SLC25A13: variants seen among roughly 807,000 people sequenced by gnomAD.
SLC25A13 encodes the protein electrogenic aspartate/glutamate antiporter SLC25A13, mitochondrial.
SLC25A13 carries 70 observed loss-of-function variants against 85.5 expected under a neutral mutation model. That is an observed-to-expected ratio of 0.82 (90% CI 0.68 to 1.00). SLC25A13 has a LOEUF of 1.00. Among genes scored for constraint, SLC25A13 ranks in the 50% least tolerant of loss-of-function variants. The pLI is 0.00. For synonymous variants in SLC25A13, 259 were observed against 288.7 expected (o/e 0.90, Z 1.04); for missense variants, 765 against 819.8 (o/e 0.93, Z 0.82).
intron 13 of SLC25A13, among the ~76,000 whole-genome samples, chr7:96,161,585 T>C (rs1793510537): frequency 6.6e-6 from 1 of 152,176 alleles, no homozygotes; most frequent in African/African-American, 2.4e-5. Flanking sequence ...TATTTATAGA[T>C]GTCTCAGTTC....
intron 4 of SLC25A13, among the ~76,000 whole-genome samples, chr7:96,214,519 G>A (rs956872025): frequency 1.3e-5 from 2 of 152,190 alleles, no homozygotes; most frequent in African/African-American, 4.8e-5. Flanking sequence ...TTCAGGTCAG[G>A]AGTTCGAGAC....
intron 14 of SLC25A13, among the ~76,000 whole-genome samples, chr7:96,132,676 T>C (rs1333328536): frequency 2.0e-5 from 3 of 152,198 alleles, no homozygotes; most frequent in Non-Finnish European, 2.9e-5. Flanking sequence ...TTGGGTAGGG[T>C]GAATAGGAAG....
At chr7:96,134,573 G>A (rs1217394462) in intron 14 of SLC25A13, among the ~76,000 whole-genome samples, 3 of 151,858 alleles carry the variant, frequency 2.0e-5, no homozygotes, top group Non-Finnish European at 4.4e-5. Context: ...AAAGGCACAT[G>A]AAGAATCAGT....
intron 13 of SLC25A13, among the ~76,000 whole-genome samples, chr7:96,156,606 C>T (rs1377529953): frequency 2.0e-5 from 3 of 152,140 alleles, no homozygotes; most frequent in Admixed American, 1.3e-4. Context: ...CACCCGTCAC[C>T]GCGCCTGGCT....
At chr7:96,201,281 G>A (rs989129586) in intron 5 of SLC25A13, among the ~76,000 whole-genome samples, 2 of 152,010 alleles carry the variant, frequency 1.3e-5, no homozygotes, top group Admixed American at 1.3e-4. Context: ...AGGGTGAGGC[G>A]AGTGGATTGC....
At chr7:96,148,558 T>C (rs1247540951) in intron 13 of SLC25A13, among the ~76,000 whole-genome samples, 8 of 152,206 alleles carry the variant, frequency 5.3e-5, no homozygotes, top group African/African-American at 1.4e-4. Context: ...GAACTCTTCA[T>C]ACGAAAATCT....
At chr7:96,265,596 T>C (rs1483454890) in intron 3 of SLC25A13, among the ~76,000 whole-genome samples, 1 of 152,210 alleles carries the variant, frequency 6.6e-6, no homozygotes, top group Non-Finnish European at 1.5e-5. Flanking sequence ...TCTTGTGTAA[T>C]CAAGAGCAAG....
At chr7:96,167,035 T>C (rs1485186439) in intron 13 of SLC25A13, 2 of 152,226 alleles carry the variant, frequency 1.3e-5, no homozygotes, top group African/African-American at 2.4e-5. Flanking sequence ...CAAAGGATTC[T>C]TTCAGATTTA....
chr7:96,149,861 T>C (rs1792960443), intron 13 of SLC25A13, among the ~76,000 whole-genome samples: 1 of 152,182 alleles, frequency 6.6e-6, no homozygotes, highest in Non-Finnish European at 1.5e-5. Context: ...TTTGCAGAGA[T>C]CAAAGATAGC....
chr7:96,301,801 T>A (rs1473725962), intron 1 of SLC25A13, among the ~76,000 whole-genome samples: 2 of 152,040 alleles, frequency 1.3e-5, no homozygotes, highest in Non-Finnish European at 2.9e-5. Flanking sequence ...ACTAATTTTT[T>A]AATTTTTTTG....
intron 4 of SLC25A13, 127 bp from the exon 5 acceptor site, chr7:96,209,104 A>T: frequency 1.1e-6 from 1 of 895,330 alleles, no homozygotes; most frequent in African/African-American, 1.7e-5. Flanking sequence ...AGACATACAG[A>T]TTACAAACTA....
At chr7:96,264,636 T>A (rs1277714953) in intron 3 of SLC25A13, among the ~76,000 whole-genome samples, 1 of 152,226 alleles carries the variant, frequency 6.6e-6, no homozygotes, top group African/African-American at 2.4e-5. Flanking sequence ...ATTGGGAAAT[T>A]TAGAAAATAT....
rs1178306013 is a variant in SLC25A13 at position 96,146,632 on chromosome 7, GC to G, written c.1375del (p.Ala459GlnfsTer49). On this transcript the variant is annotated frameshift_variant, in exon 14 of 18. Coordinates refer to ENST00000265631, the MANE Select transcript of SLC25A13 (RefSeq NM_014251.3). LOFTEE classifies it high-confidence loss of function. ...TCGAGGACCAGTGGTGATTTCTCCT[GC>G]CACTTGCAAACGGATCTTGACGATT... ...LEIVKIRLQV[A>X]GEITTGPRVS... The G allele has an allele frequency of 7.4e-6, 12 of 1,613,916 alleles. No homozygotes were observed. The highest frequency in any genetic ancestry group is 1.0e-5 in the Non-Finnish European group (12 of 1,180,014).
chr7:96,257,487 C>A lies in SLC25A13; in HGVS notation c.212+19709G>T, dbSNP rs144419064. 3.3e-4 allele frequency among the ~76,000 whole-genome samples: 51 copies of A among 152,288 alleles called. No homozygotes were observed. The East Asian group carries it at 8.5e-3, about 25-fold the overall frequency. Reference sequence around the variant, plus strand: ...TAGAAGAAATGGATAAATTCCTGGACACATACATCCTCCCAAGACTAAATT... The same window carrying A: ...TAGAAGAAATGGATAAATTCCTGGAAACATACATCCTCCCAAGACTAAATT... On this transcript the variant is annotated intron_variant, in intron 3 of 17. Coordinates refer to ENST00000265631, the MANE Select transcript of SLC25A13 (RefSeq NM_014251.3).
At position 96,121,151 on chromosome 7, in the gene SLC25A13, G is replaced by A. The variant is rs542828845; in HGVS notation, c.*40C>T. The A allele has an allele frequency of 1.0e-4, 166 of 1,602,682 alleles. No individual in the cohort carries two copies. In the South Asian group the frequency reaches 1.7e-3, roughly 17 times the overall value. On this transcript the variant is annotated 3_prime_UTR_variant, in exon 18 of 18. Transcript: ENST00000265631. ...CCCAGGAGGGATGTTCTTTACTGCA[G>A]TACCCACAAAAAGACAGCACTATCC...
intron 2 of SLC25A13, among the ~76,000 whole-genome samples, chr7:96,291,212 A>G (rs1199385564): frequency 6.6e-6 from 1 of 152,196 alleles, no homozygotes; most frequent in East Asian, 1.9e-4. Flanking sequence ...TCGGAAATAA[A>G]GACGTTCTTT....
intron 3 of SLC25A13, among the ~76,000 whole-genome samples, chr7:96,250,017 T>C (rs919855741): frequency 1.1e-4 from 17 of 151,956 alleles, no homozygotes; most frequent in African/African-American, 3.4e-4. Flanking sequence ...ACCCCATCTC[T>C]ACCAAAAATA....
In SLC25A13 at chr7:96,172,797, C is replaced by T. The variant is rs1316934740; in HGVS notation, c.1178-1273G>A. Among the ~76,000 whole-genome samples, 5 of 152,066 alleles carry T rather than the reference C, an allele frequency of 3.3e-5. No homozygotes were observed. In the East Asian group the frequency reaches 5.9e-4, roughly 18 times the overall value. ...TTTTTTTGACGGAGTCTCACTCTGT[C>T]GCCCAGGCTACAGTGCAGTGGCGCG... On this transcript the variant is annotated intron_variant, in intron 11 of 17. Coordinates refer to ENST00000265631, the MANE Select transcript of SLC25A13 (RefSeq NM_014251.3).
At chr7:96,123,984 C>T (rs1263719786) in intron 15 of SLC25A13, among the ~76,000 whole-genome samples, 2 of 152,206 alleles carry the variant, frequency 1.3e-5, no homozygotes, top group Non-Finnish European at 1.5e-5. Context: ...AGAGATGCTT[C>T]CTCTAGGTCC....
Sources: gnomAD v4.1 joint callset for allele counts (sites outside exome capture counted in the v4.1 genomes callset) on GRCh38, gnomAD v4.1.1 for gene constraint, MANE v1.5 for transcripts, NCBI Gene and HGNC (gene_info 2026-07-23, HGNC 2026-07-21) for gene names.